Variants in SDK1 observed in about 807,000 individuals in gnomAD.
The protein encoded by SDK1 is sidekick cell adhesion molecule 1.
SDK1 carries 157 observed loss-of-function variants against 245.5 expected under a neutral mutation model. The observed-to-expected ratio is 0.64, with a 90% CI of 0.56 to 0.73. The LOEUF (loss-of-function observed/expected upper bound fraction) is 0.73, where lower values mean the gene tolerates loss of function less well. SDK1 is among the 30% of genes least tolerant of loss of function. SDK1 has a pLI of 0.00. For missense variants in SDK1, 3,583 were observed against 3,002.3 expected (o/e 1.19, Z -4.52); for synonymous variants, 1,647 against 1,278.5 (o/e 1.29, Z -6.15).
At chr7:3,748,267 G>C (rs1779681918) in intron 4 of SDK1, among the ~76,000 whole-genome samples, 1 of 152,136 alleles carries the variant, frequency 6.6e-6, no homozygotes, top group African/African-American at 2.4e-5. Context: ...TTTCTGTGTA[G>C]CAGGATAGAG....
intron 1 of SDK1, among the ~76,000 whole-genome samples, chr7:3,573,769 AT>A (rs1361825982): frequency 6.6e-6 from 1 of 151,954 alleles, no homozygotes; most frequent in Non-Finnish European, 1.5e-5. Flanking sequence ...TAACATTGTG[AT>A]TTTTGACCCT....
intron 2 of SDK1, 142 bp downstream of exon 2, chr7:3,619,381 A>G (rs1781865706): frequency 1.5e-6 from 1 of 656,724 alleles, no homozygotes; most frequent in Non-Finnish European, 2.5e-6. Context: ...AGATTTGAAT[A>G]TGTAATTAGA....
In SDK1 at chr7:4,007,943, TG is replaced by T. The variant is rs1450553705; in HGVS notation, c.2132-3022del. 3.9e-5 allele frequency among the ~76,000 whole-genome samples: 6 copies of T among 152,332 alleles called. No homozygotes were observed. In the East Asian group the frequency reaches 1.2e-3, roughly 29 times the overall value. On this transcript the variant is annotated intron_variant, in intron 14 of 44. Transcript: ENST00000404826. ...TAAAAAATCCATCATGTTCACCATT[TG>T]TAAGTGCACGGCTCAGTGGCATTAA...
At chr7:3,986,594 C>G (rs537554126) in intron 13 of SDK1, among the ~76,000 whole-genome samples, 2 of 152,340 alleles carry the variant, frequency 1.3e-5, no homozygotes, top group African/African-American at 4.8e-5. Flanking sequence ...GGCATGGTGG[C>G]TCACGCCTGT....
At chr7:3,826,065 G>A (rs1779766783) in intron 5 of SDK1, among the ~76,000 whole-genome samples, 1 of 152,182 alleles carries the variant, frequency 6.6e-6, no homozygotes. Context: ...ATTTAGCCAT[G>A]CATCGAACCT....
intron 1 of SDK1, among the ~76,000 whole-genome samples, chr7:3,588,186 A>G (rs1041738648): frequency 6.6e-5 from 10 of 152,212 alleles, no homozygotes; most frequent in African/African-American, 2.4e-4. Flanking sequence ...TTGTCAGTCA[A>G]ATATAAGGTT....
intron 1 of SDK1, among the ~76,000 whole-genome samples, chr7:3,306,634 A>G (rs1331498031): frequency 2.0e-5 from 3 of 152,186 alleles, no homozygotes; most frequent in Non-Finnish European, 4.4e-5. Context: ...AGATAAAACA[A>G]CGTGGAAGGC....
At chr7:3,402,660 G>A (rs1369554416) in intron 1 of SDK1, among the ~76,000 whole-genome samples, 1 of 152,098 alleles carries the variant, frequency 6.6e-6, no homozygotes, top group African/African-American at 2.4e-5. Context: ...GGCCATTTTT[G>A]AGGTGTTTAA....
Position 4,210,119 on chromosome 7 carries a change from G to A in SDK1, c.5496G>A (p.Leu1832=), listed in dbSNP as rs780669549. 2 of 1,608,884 alleles carry A rather than the reference G, an allele frequency of 1.2e-6. No homozygotes were observed. Among genetic ancestry groups the A allele is most frequent in the Non-Finnish European group, 1.7e-6 (2 of 1,177,976 alleles). Residue 1832 remains leucine, a synonymous_variant, in exon 38 of 45, where the codon CTG becomes CTA. Coordinates refer to ENST00000404826, the MANE Select transcript of SDK1 (RefSeq NM_152744.4). The stretch of plus-strand genomic sequence containing the variant: ...AGCCTGCGGCGGCCAACGGCATCCT[G>A]CAGGGCTATCGGGTGGTGTACGAGC... ...WGEPAAANGI[L]QGYRVVYEPL...
intron 4 of SDK1, among the ~76,000 whole-genome samples, chr7:3,689,154 C>G (rs1356712231): frequency 6.6e-6 from 1 of 152,174 alleles, no homozygotes; most frequent in East Asian, 1.9e-4. Flanking sequence ...TAACTGTTTG[C>G]TATCTGGCCC....
At chr7:3,606,154 C>G (rs1222844371) in intron 1 of SDK1, among the ~76,000 whole-genome samples, 1 of 152,160 alleles carries the variant, frequency 6.6e-6, no homozygotes, top group African/African-American at 2.4e-5. Flanking sequence ...TCATGAGTTC[C>G]CATTTCGGGA....
intron 5 of SDK1, among the ~76,000 whole-genome samples, chr7:3,893,492 G>A (rs1781513779): frequency 6.6e-6 from 1 of 151,940 alleles, no homozygotes; most frequent in Non-Finnish European, 1.5e-5. Flanking sequence ...CAGCTCCTCA[G>A]GTACCTGAGC....
chr7:3,305,398 T>A (rs1275139462), intron 1 of SDK1, among the ~76,000 whole-genome samples: 1 of 152,232 alleles, frequency 6.6e-6, no homozygotes, highest in East Asian at 1.9e-4. Context: ...CTGTCATCCT[T>A]AGCCTGATTT....
At chr7:3,658,497 A>T (rs1047433496) in intron 4 of SDK1, among the ~76,000 whole-genome samples, 1 of 152,118 alleles carries the variant, frequency 6.6e-6, no homozygotes, top group Non-Finnish European at 1.5e-5. Context: ...GGAAAAAAAA[A>T]AACTTTATTG....
At chr7:3,946,981 C>T (rs543977919) in intron 5 of SDK1, among the ~76,000 whole-genome samples, 31 of 152,346 alleles carry the variant, frequency 2.0e-4, no homozygotes, top group African/African-American at 7.2e-4. Flanking sequence ...CAATATGTGT[C>T]TATTGCTAGT....
chr7:3,717,587 C>A (rs1269365384), intron 4 of SDK1, among the ~76,000 whole-genome samples: 3 of 151,988 alleles, frequency 2.0e-5, no homozygotes, highest in Admixed American at 6.5e-5. Flanking sequence ...ATGAAATGAC[C>A]TATCACTATG....
intron 4 of SDK1, among the ~76,000 whole-genome samples, chr7:3,745,806 T>C (rs1779598309): frequency 6.6e-6 from 1 of 152,184 alleles, no homozygotes; most frequent in African/African-American, 2.4e-5. Context: ...ATGAAACATA[T>C]CATTATTTGC....
At chr7:3,510,838 C>T (rs1426747168) in intron 1 of SDK1, among the ~76,000 whole-genome samples, 1 of 152,196 alleles carries the variant, frequency 6.6e-6, no homozygotes, top group African/African-American at 2.4e-5. Flanking sequence ...TAAATTACCC[C>T]AACAAAAGAT....
At chr7:3,613,451 C>G (rs550374194) in intron 1 of SDK1, among the ~76,000 whole-genome samples, 3 of 152,150 alleles carry the variant, frequency 2.0e-5, no homozygotes, top group Admixed American at 6.5e-5. Context: ...TCTCCACAAC[C>G]TCTCCAGCAC....
Sources: gnomAD v4.1 joint callset for allele counts (sites outside exome capture counted in the v4.1 genomes callset) on GRCh38, gnomAD v4.1.1 for gene constraint, MANE v1.5 for transcripts, NCBI Gene and HGNC (gene_info 2026-07-23, HGNC 2026-07-21) for gene names.